Variants in COL21A1 observed in about 807,000 individuals in gnomAD.
The protein encoded by COL21A1 is collagen alpha-1(XXI) chain.
A neutral mutation model predicts 137.9 loss-of-function variants in COL21A1; 149 were observed. That is an observed-to-expected ratio of 1.08 (90% CI 0.95 to 1.24). The LOEUF is 1.24. COL21A1 is among the 50% of genes most tolerant of loss of function. COL21A1 has a pLI of 0.00. For missense variants in COL21A1, 1,167 were observed against 1,158.4 expected, an observed-to-expected ratio of 1.01 and a Z score of -0.11; for synonymous variants, 456 against 391.5, an observed-to-expected ratio of 1.16 and a Z score of -1.95.
rs1339991578 is a variant in COL21A1, at chr6:56,276,797, T to TG, written c.-38-94142dup. ...CTAATTCTGGTTGTTCAGTGAGTTG[T>TG]GTTTTTTTTGTTTTTTTTGTTTTTT... On this transcript the variant is annotated intron_variant, in intron 1 of 28. Coordinates refer to the COL21A1 transcript ENST00000370819. 64 of 840,026 alleles carry TG rather than the reference T, an allele frequency of 7.6e-5. No individual in the cohort carries two copies. In the Middle Eastern group the frequency reaches 1.8e-3, roughly 24 times the overall value. The allele number at this position is 840,026 out of a possible 1,614,324, so 52.0% of individuals were successfully genotyped here. A position where few individuals can be genotyped will look rare whatever the true frequency, so the allele number is the denominator to read the frequency against.
chr6:56,192,960 T>C (rs750872901), intron 1 of COL21A1, among the ~76,000 whole-genome samples: 63 of 152,144 alleles, frequency 4.1e-4, no homozygotes, highest in Non-Finnish European at 8.1e-4. Flanking sequence ...ATGTGGCACA[T>C]ATACACCATG....
intron 1 of COL21A1, among the ~76,000 whole-genome samples, chr6:56,282,238 A>C (rs1048160034): frequency 6.6e-6 from 1 of 152,192 alleles, no homozygotes; most frequent in African/African-American, 2.4e-5. Context: ...GGATTTCAAT[A>C]GAATTCTAAA....
chr6:56,205,454 G>T (rs771366870), intron 1 of COL21A1, among the ~76,000 whole-genome samples: 8 of 152,116 alleles, frequency 5.3e-5, no homozygotes, highest in African/African-American at 9.7e-5. Flanking sequence ...GAAAAGAGAT[G>T]AATAAAGCCT....
At chr6:56,287,487 T>A (rs536229490) in intron 1 of COL21A1, among the ~76,000 whole-genome samples, 2 of 152,206 alleles carry the variant, frequency 1.3e-5, no homozygotes, top group African/African-American at 4.8e-5. Flanking sequence ...TGAGTTCTCA[T>A]GAGATCTGGT....
intron 16 of COL21A1, among the ~76,000 whole-genome samples, chr6:56,121,510 G>GTATA (rs1341719998): frequency 2.6e-5 from 3 of 115,336 alleles, no homozygotes; most frequent in African/African-American, 1.0e-4. Flanking sequence ...ATATTCATAT[G>GTATA]TGTATATATA....
rs1204804740 is a variant in COL21A1, at chr6:56,167,667, G to A, written c.1200+457C>T. ...AAAAAGTCAAAACAAAACTTCTGTA[G>A]GTATAATTTGAACATACCACAATTG... On this transcript the variant is annotated intron_variant, in intron 6 of 29. Transcript: ENST00000244728. 2.6e-5 allele frequency among the ~76,000 whole-genome samples: 4 copies of A among 152,106 alleles called. No homozygotes were observed. In the East Asian group the frequency reaches 7.7e-4, roughly 29 times the overall value.
intron 17 of COL21A1, among the ~76,000 whole-genome samples, chr6:56,085,828 T>C (rs911105152): frequency 2.6e-5 from 4 of 151,624 alleles, no homozygotes; most frequent in Non-Finnish European, 5.9e-5. Flanking sequence ...GGATCAGAGC[T>C]TGAGAAATAG....
chr6:56,111,828 C>T lies in COL21A1; in HGVS notation c.1759-10303G>A, dbSNP rs531614920. On this transcript the variant is annotated intron_variant, in intron 16 of 29. Coordinates refer to ENST00000244728, the MANE Select transcript of COL21A1 (RefSeq NM_030820.4). Reference sequence around the variant, plus strand: ...GGCAGAGGTTGCAGTAAGCCAAGATCGTGCCATTGCACTTCAGCCTGGGTG... The same window carrying T: ...GGCAGAGGTTGCAGTAAGCCAAGATTGTGCCATTGCACTTCAGCCTGGGTG... 8.6e-5 allele frequency among the ~76,000 whole-genome samples: 13 copies of T among 151,634 alleles called. No individual in the cohort carries two copies. In the South Asian group the frequency reaches 1.9e-3, roughly 22 times the overall value.
chr6:56,124,345 T>G, intron 14 of COL21A1, 53 bp from the exon 15 acceptor site: 1 of 1,510,112 alleles, frequency 6.6e-7, no homozygotes. Context: ...TGTTTTCAAG[T>G]TCCAACCAAA....
At chr6:56,073,264 C>T (rs535102458) in intron 20 of COL21A1, among the ~76,000 whole-genome samples, 1 of 151,520 alleles carries the variant, frequency 6.6e-6, no homozygotes, top group East Asian at 2.0e-4. Flanking sequence ...TTCAGTCATT[C>T]CAGCAAGTCA....
chr6:56,305,432 A>T (rs1320291379), intron 1 of COL21A1, among the ~76,000 whole-genome samples: 1 of 152,142 alleles, frequency 6.6e-6, no homozygotes, highest in Non-Finnish European at 1.5e-5. Context: ...TTGGGTGCAT[A>T]TATATTTAGG....
In COL21A1 at chr6:56,064,997, CAT is replaced by C. The variant is rs562512638; in HGVS notation, c.2128-377_2128-376del. Among the ~76,000 whole-genome samples the C allele has an allele frequency of 2.6e-4, 39 of 151,794 alleles. 1 individual carries two copies. The East Asian group carries it at 7.4e-3, about 29-fold the overall frequency. ...AATTATGTTCATTGTTGACTATGGACATGTGAGGACAAGAAGATCTCTTTAAA... is the reference window on the plus strand; with the variant it reads ...AATTATGTTCATTGTTGACTATGGACGTGAGGACAAGAAGATCTCTTTAAA... On this transcript the variant is annotated intron_variant, in intron 23 of 29. Transcript: ENST00000244728.
At chr6:56,353,050 AAAG>A (rs751368578) in intron 1 of COL21A1, among the ~76,000 whole-genome samples, 6 of 152,162 alleles carry the variant, frequency 3.9e-5, no homozygotes, top group African/African-American at 1.2e-4. Context: ...AAAGAAAAAA[AAAG>A]AAGAAGAAAA....
At position 56,179,845 on chromosome 6, in the gene COL21A1, C is replaced by A. The variant is rs1009121320; in HGVS notation, c.373G>T (p.Asp125Tyr). 10 of 1,613,800 alleles carry A rather than the reference C, an allele frequency of 6.2e-6. No homozygotes were observed. The highest frequency in any genetic ancestry group is 1.3e-5 in the African/African-American group (1 of 74,908). ...CGTGAGGACTTGGCAAAAAGGTAAT[C>A]GAGCGCAAACTGGATGGCCTTCCCT... ...KTGKAIQFAL[D>Y]YLFAKSSRFL... Residue 125 changes from aspartate to tyrosine, a missense_variant, in exon 3 of 30, where the codon GAT becomes TAT. Asp to Tyr is a radical substitution (Grantham distance 160). Coordinates refer to ENST00000244728, the MANE Select transcript of COL21A1 (RefSeq NM_030820.4).
intron 1 of COL21A1, among the ~76,000 whole-genome samples, chr6:56,332,676 T>C (rs1765256397): frequency 6.6e-6 from 1 of 151,610 alleles, no homozygotes; most frequent in South Asian, 2.1e-4. Context: ...TTTTCAACAC[T>C]AGGTTATATG....
At chr6:56,066,629 A>G (rs1766276826) in intron 23 of COL21A1, among the ~76,000 whole-genome samples, 1 of 151,846 alleles carries the variant, frequency 6.6e-6, no homozygotes, top group African/African-American at 2.4e-5. Flanking sequence ...TATCCCAGAT[A>G]ACTATTTCAT....
chr6:56,182,227 G>A (rs1310332929), intron 2 of COL21A1, among the ~76,000 whole-genome samples: 1 of 152,076 alleles, frequency 6.6e-6, no homozygotes, highest in African/African-American at 2.4e-5. Flanking sequence ...AATCTAGAAG[G>A]CTTTCTTTAT....
chr6:56,361,940 T>C (rs1365581319), intron 1 of COL21A1, among the ~76,000 whole-genome samples: 1 of 152,204 alleles, frequency 6.6e-6, no homozygotes, highest in Non-Finnish European at 1.5e-5. Context: ...AGACGTAACC[T>C]TTTCCTTTGG....
At chr6:56,102,517 C>T (rs1477904550) in intron 16 of COL21A1, among the ~76,000 whole-genome samples, 1 of 152,028 alleles carries the variant, frequency 6.6e-6, no homozygotes, top group African/African-American at 2.4e-5. Flanking sequence ...AGCATTTTTT[C>T]CCGTAAATGT....
Sources: allele counts gnomAD v4.1 joint callset (sites outside exome capture counted in the v4.1 genomes callset), GRCh38; gene constraint gnomAD v4.1.1; transcripts MANE v1.5; gene names NCBI Gene and HGNC (gene_info 2026-07-23, HGNC 2026-07-21).